Variants in ZNF444 observed in about 807,000 individuals in gnomAD.
The protein encoded by ZNF444 is zinc finger protein 444.
In ZNF444, 8 loss-of-function variants were observed where a neutral mutation model predicts 14.4. The ratio of observed to expected loss-of-function variants is 0.56; its 90% CI spans 0.33 to 1.00. The LOEUF (loss-of-function observed/expected upper bound fraction) is 1.00, where lower values mean the gene tolerates loss of function less well. Ranked by LOEUF, ZNF444 falls within the 50% of genes least tolerant of loss-of-function variation. The pLI is 0.03. For missense variants in ZNF444, 510 were observed against 504.8 expected, an observed-to-expected ratio of 1.01 and a Z score of -0.10; for synonymous variants, 258 against 235.9, an observed-to-expected ratio of 1.09 and a Z score of -0.86.
chr19:56,140,194 C>G (rs1415870352), upstream of ZNF444, among the ~76,000 whole-genome samples: 1 of 152,040 alleles, frequency 6.6e-6, no homozygotes, highest in Non-Finnish European at 1.5e-5. Context: ...TTTTATGGCG[C>G]GGAGTCTTCA....
intron 1 of ZNF444, chr19:56,141,800 C>A (rs1411747509): frequency 1.3e-5 from 2 of 151,482 alleles, no homozygotes; most frequent in African/African-American, 4.9e-5. Flanking sequence ...GAAAGGTTTG[C>A]GGGAAGGGGC....
Position 56,147,966 on chromosome 19 carries a change from C to T in ZNF444, c.297+758C>T, listed in dbSNP as rs550250213. Among the ~76,000 whole-genome samples, 53 of 152,216 alleles carry T rather than the reference C, an allele frequency of 3.5e-4. No homozygotes were observed. Among genetic ancestry groups the T allele is most frequent in the Non-Finnish European group, 7.2e-4 (49 of 68,038 alleles). On this transcript the variant is annotated intron_variant, in intron 3 of 4. Coordinates refer to ENST00000337080, the MANE Select transcript of ZNF444 (RefSeq NM_018337.4). This position sits in a 1 kb window ranked among gnomAD's most constrained non-coding sequence, Gnocchi z 5.9. The stretch of plus-strand genomic sequence containing the variant: ...GGGCTGACACTTGCCACCGTGATGA[C>T]CACAGAGGGCCCGAGGAGCTGGAAG...
At chr19:56,159,570 G>C in intron 4 of ZNF444, 54 bp from the exon 5 acceptor site, 2 of 1,398,970 alleles carry the variant, frequency 1.4e-6, no homozygotes, top group Non-Finnish European at 1.9e-6. Flanking sequence ...AGCCTGTGCT[G>C]TCCTTGCCCC....
chr19:56,137,225 C>T (rs1228646742), upstream of ZNF444, among the ~76,000 whole-genome samples: 1 of 151,406 alleles, frequency 6.6e-6, no homozygotes, highest in African/African-American at 2.4e-5. Flanking sequence ...CATCCCAGCA[C>T]TTTGGGAGGC....
rs1458489367 is a variant in ZNF444 at position 56,160,303 on chromosome 19, C to T, written c.*102C>T. 1 of 941,840 alleles carries T rather than the reference C, an allele frequency of 1.1e-6. No individual in the cohort carries two copies. Among genetic ancestry groups the T allele is most frequent in the African/African-American group, 1.8e-5 (1 of 56,668 alleles). 58.3% of individuals were successfully genotyped at this position (941,840 alleles called of 1,614,324 possible). On this transcript the variant is annotated 3_prime_UTR_variant, in exon 5 of 5. Transcript: ENST00000337080. ...GCCTCTTCCTCTCCTCCTTCCCTCC[C>T]ATCGTCCTCCTCCACCTGCGCCTCC...
chr19:56,138,458 C>T (rs1599985099), upstream of ZNF444, among the ~76,000 whole-genome samples: 2 of 151,832 alleles, frequency 1.3e-5, no homozygotes, highest in East Asian at 3.9e-4. Flanking sequence ...AAAACGCTGT[C>T]CCTACAAAAA....
chr19:56,142,217 GACA>G (rs1287970896), intron 1 of ZNF444: 2 of 152,194 alleles, frequency 1.3e-5, no homozygotes, highest in African/African-American at 4.8e-5. Flanking sequence ...AGTCTGACTG[GACA>G]CTTACTAGCC....
At chr19:56,138,125 T>TA (rs1182284034), upstream of ZNF444, among the ~76,000 whole-genome samples, 16 of 150,452 alleles carry the variant, frequency 1.1e-4, no homozygotes, top group East Asian at 2.0e-4. Context: ...AACTCCATCT[T>TA]AAAAAACAAA....
Position 56,159,945 on chromosome 19 carries a change from T to C in ZNF444, c.728T>C (p.Leu243Pro). The change falls in exon 5 of 5, where the codon CTG becomes CCG. Residue 243 changes from leucine to proline, a missense_variant. Transcript: ENST00000337080. ...AGCCCCGGGCCCGCGCTGCGCCCTC[T>C]GCCCGCCCGTGAGAAGCCCCACGCG... ...PGSPGPALRP[L>P]PAREKPHACC... 1 of 1,501,960 alleles carries C rather than the reference T, an allele frequency of 6.7e-7. No homozygotes were observed. The allele number at this position is 1,501,960 out of a possible 1,614,324, so 93.0% of individuals were successfully genotyped here.
chr19:56,149,381 TC>T (rs1438646741), intron 3 of ZNF444, among the ~76,000 whole-genome samples: 2 of 126,398 alleles, frequency 1.6e-5, no homozygotes, highest in African/African-American at 6.1e-5. Context: ...GACCTTGACC[TC>T]TGCTTCCATC....
At chr19:56,136,104 TA>T (rs920047787) in intron 1 of ZNF444, among the ~76,000 whole-genome samples, 5 of 60,372 alleles carry the variant, frequency 8.3e-5, no homozygotes, top group Non-Finnish European at 1.1e-4. Flanking sequence ...AAAAAAAAGC[TA>T]AAAAAAAAGG....
intron 3 of ZNF444, chr19:56,150,297 T>TA (rs947140026): frequency 4.8e-4 from 115 of 240,252 alleles, no homozygotes; most frequent in African/African-American, 8.7e-4. Flanking sequence ...TCTTGCAAAA[T>TA]AAAAAAAAAT....
chr19:56,148,219 AGC>A lies in ZNF444; in HGVS notation c.297+1012_297+1013del, dbSNP rs2031328073. On this transcript the variant is annotated intron_variant, in intron 3 of 4. Coordinates refer to ENST00000337080, the MANE Select transcript of ZNF444 (RefSeq NM_018337.4). ...GGGGCCTGGGTGATGAGCGGTGGGC[AGC>A]CACGCAGAGACCTCTGAGAAGAGTG... Among the ~76,000 whole-genome samples, 4 of 152,260 alleles carry A rather than the reference AGC, an allele frequency of 2.6e-5. No homozygotes were observed. In the South Asian group the frequency reaches 8.3e-4, roughly 32 times the overall value.
intron 3 of ZNF444, among the ~76,000 whole-genome samples, chr19:56,153,859 A>C (rs1378158270): frequency 6.6e-6 from 1 of 152,220 alleles, no homozygotes; most frequent in Admixed American, 6.5e-5. Context: ...GGAGCACAGG[A>C]AAATAGCACA....
chr19:56,146,553 G>C (rs1191951721), intron 2 of ZNF444, 133 bp downstream of exon 2: 1 of 184,206 alleles, frequency 5.4e-6, no homozygotes, highest in Non-Finnish European at 1.1e-5. Flanking sequence ...ACTTTGGGAG[G>C]CCGAGGTGGG....
rs1159723644 is a variant in ZNF444, at chr19:56,159,867, G to A, written c.650G>A (p.Arg217Gln). 5 of 1,537,560 alleles carry A rather than the reference G, an allele frequency of 3.3e-6. No individual in the cohort carries two copies. The highest frequency in any genetic ancestry group is 1.4e-5 in the African/African-American group (1 of 72,374). Residue 217 changes from arginine (R) to glutamine (Q), a missense_variant, in exon 5 of 5, where the codon CGG becomes CAG. Physicochemically the swap from Arg to Gln is conservative, Grantham distance 43 (BLOSUM62 1). Coordinates refer to ENST00000337080, the MANE Select transcript of ZNF444 (RefSeq NM_018337.4). The stretch of plus-strand genomic sequence containing the variant: ...TGCCCTGAGTGCGGGAAGGCCTTTC[G>A]GCGCAAGGAGCACCTGCGGCGCCAC... ...HACPECGKAF[R>Q]RKEHLRRHRD... is the part of the protein sequence containing the mutation.
At chr19:56,149,636 T>G in intron 3 of ZNF444, among the ~76,000 whole-genome samples, 1 of 151,602 alleles carries the variant, frequency 6.6e-6, no homozygotes, top group East Asian at 2.0e-4. Context: ...CTCCCTCCCC[T>G]TCCCCCACCC....
upstream of ZNF444, among the ~76,000 whole-genome samples, chr19:56,138,632 C>A (rs918196356): frequency 6.6e-6 from 1 of 151,956 alleles, no homozygotes; most frequent in Non-Finnish European, 1.5e-5. Context: ...GACCCTGTCT[C>A]AAATAAATAA....
chr19:56,160,474 G>C lies in ZNF444; in HGVS notation c.*273G>C. 2.4e-6 allele frequency: 1 copy of C among 411,562 alleles called. No homozygotes were observed. 25.5% of individuals were successfully genotyped at this position (411,562 alleles called of 1,614,324 possible). The stretch of plus-strand genomic sequence containing the variant: ...CTGTGTGAAGGGGCCTCTCCCTAAT[G>C]TCTCCTCCTTCCCCCCTCTTCTCTC... On this transcript the variant is annotated 3_prime_UTR_variant, in exon 5 of 5. Coordinates refer to ENST00000337080, the MANE Select transcript of ZNF444 (RefSeq NM_018337.4).
Sources: allele counts gnomAD v4.1 joint callset (sites outside exome capture counted in the v4.1 genomes callset), GRCh38; gene constraint gnomAD v4.1.1; non-coding constraint Gnocchi (gnomAD v3.1); transcripts MANE v1.5; gene names NCBI Gene and HGNC (gene_info 2026-07-23, HGNC 2026-07-21).